Variants in MCPH1 observed in about 807,000 individuals in gnomAD.
MCPH1 encodes the protein microcephalin 1, also known as microcephalin.
A neutral mutation model predicts 84.5 loss-of-function variants in MCPH1; 104 were observed. The observed-to-expected ratio is 1.23, with a 90% CI of 1.05 to 1.45. The LOEUF (loss-of-function observed/expected upper bound fraction) is 1.45. Ranked by LOEUF, MCPH1 falls within the 40% of genes most tolerant of loss-of-function variation. MCPH1 has a pLI of 0.00. For missense variants in MCPH1, 1,498 were observed against 1,005.7 expected, an observed-to-expected ratio of 1.49 and a Z score of -6.62; for synonymous variants, 514 against 366.8, an observed-to-expected ratio of 1.40 and a Z score of -4.58.
At chr8:6,447,478 A>T in intron 8 of MCPH1, 3 of 927,366 alleles carry the variant, frequency 3.2e-6, no homozygotes, top group Non-Finnish European at 3.9e-6. Context: ...CTTCAAAAAC[A>T]AGTTACAAAG....
intron 12 of MCPH1, chr8:6,620,364 C>T (rs1053775647): frequency 6.6e-6 from 1 of 152,192 alleles, no homozygotes; most frequent in South Asian, 2.1e-4. Context: ...GTAGGAAAAC[C>T]TAGCAGAAGA....
At chr8:6,501,666 C>G (rs746600921) in intron 12 of MCPH1, 2 of 151,466 alleles carry the variant, frequency 1.3e-5, no homozygotes, top group Non-Finnish European at 1.5e-5. Context: ...GCAATTCTCC[C>G]TGCCTCAGCC....
rs777379943 is a variant in MCPH1 at position 6,445,228 on chromosome 8, C to G, written c.1506C>G (p.Ala502=). The change falls in exon 8 of 14, where the codon GCC becomes GCG. Residue 502 remains alanine (A), a synonymous_variant. Transcript: ENST00000344683. ...CAACTTCGAGTTGCGTGACTTCTGCCCCTGAAGAAGCCCTAAGGTGTTGTA... is the reference window on the plus strand; with the variant it reads ...CAACTTCGAGTTGCGTGACTTCTGCGCCTGAAGAAGCCCTAAGGTGTTGTA... ...GRATSSCVTS[A]PEEALRCCRQ... The G allele has an allele frequency of 1.9e-6, 3 of 1,614,078 alleles. No individual in the cohort carries two copies. The highest frequency in any genetic ancestry group is 1.7e-6 in the Non-Finnish European group (2 of 1,180,050).
intron 12 of MCPH1, among the ~76,000 whole-genome samples, chr8:6,506,524 T>G (rs79506314): frequency 0.086 from 13,056 of 152,232 alleles, 1,024 homozygotes; most frequent in African/African-American, 0.2. Flanking sequence ...CACACCCTTC[T>G]CAAGGAGAGA....
intron 2 of MCPH1, among the ~76,000 whole-genome samples, chr8:6,412,770 A>C (rs1284951079): frequency 6.6e-6 from 1 of 152,218 alleles, no homozygotes; most frequent in East Asian, 1.9e-4. Context: ...TCAGCCCGGT[A>C]ATTCTTAATT....
chr8:6,423,836 A>G (rs61095196), intron 3 of MCPH1, among the ~76,000 whole-genome samples: 4,984 of 152,284 alleles, frequency 0.033, 216 homozygotes, highest in East Asian at 0.16. Flanking sequence ...ATGTTTCCCA[A>G]TACCTTTGCT....
intron 13 of MCPH1, among the ~76,000 whole-genome samples, chr8:6,623,589 C>CTGA (rs985393376): frequency 6.8e-6 from 1 of 146,608 alleles, no homozygotes; most frequent in African/African-American, 2.5e-5. Context: ...TTTTACATGA[C>CTGA]TGATGGTCAT....
intron 11 of MCPH1, among the ~76,000 whole-genome samples, chr8:6,485,185 C>T (rs941130054): frequency 6.6e-6 from 1 of 151,990 alleles, no homozygotes; most frequent in Non-Finnish European, 1.5e-5. Flanking sequence ...ATTAGCTGGG[C>T]ACGGTGGCAG....
At chr8:6,443,957 G>A (rs561348992) in intron 7 of MCPH1, among the ~76,000 whole-genome samples, 1 of 152,322 alleles carries the variant, frequency 6.6e-6, no homozygotes, top group East Asian at 1.9e-4. Flanking sequence ...TTTACTGGAA[G>A]ACAGGGAAGG....
intron 11 of MCPH1, among the ~76,000 whole-genome samples, chr8:6,493,739 G>C (rs1810923252): frequency 6.6e-6 from 1 of 152,034 alleles, no homozygotes; most frequent in South Asian, 2.1e-4. Context: ...AATATGACCG[G>C]GGATCTCTGT....
chr8:6,450,613 C>T (rs1310996140), intron 8 of MCPH1, among the ~76,000 whole-genome samples: 23 of 151,620 alleles, frequency 1.5e-4, no homozygotes, highest in Non-Finnish European at 1.5e-5. Context: ...CAATAAGAAA[C>T]TGTTTCTCAC....
At position 6,429,686 on chromosome 8, in the gene MCPH1, A is replaced by G. The variant is rs541138990; in HGVS notation, c.234-1813A>G. Among the ~76,000 whole-genome samples the G allele has an allele frequency of 1.7e-4, 26 of 152,230 alleles. No homozygotes were observed. The South Asian group carries it at 5.0e-3, about 29-fold the overall frequency. ...TGCTAAGTCCACCAGATTTAACCAG[A>G]GGTCAAAAACCTTCCATTTTTATTG... is the stretch of plus-strand genomic sequence containing the variant. On this transcript the variant is annotated intron_variant, in intron 3 of 13. Coordinates refer to ENST00000344683, the MANE Select transcript of MCPH1 (RefSeq NM_024596.5).
At chr8:6,609,828 C>A (rs73661438) in intron 12 of MCPH1, among the ~76,000 whole-genome samples, 37,606 of 110,658 alleles carry the variant, frequency 0.34, 7,893 homozygotes, top group Non-Finnish European at 0.41. Flanking sequence ...CGCCCCCCCC[C>A]CACACACAGA....
At chr8:6,575,763 G>A (rs1469786229) in intron 12 of MCPH1, among the ~76,000 whole-genome samples, 1 of 152,174 alleles carries the variant, frequency 6.6e-6, no homozygotes, top group Non-Finnish European at 1.5e-5. Flanking sequence ...TAAGAGGACG[G>A]TCATGTGAAG....
chr8:6,470,622 C>A (rs933780024), intron 9 of MCPH1, among the ~76,000 whole-genome samples: 1 of 152,216 alleles, frequency 6.6e-6, no homozygotes, highest in African/African-American at 2.4e-5. Context: ...TGTTAAGATA[C>A]ATGCTTTATG....
Position 6,621,467 on chromosome 8 carries a change from A to C in MCPH1, c.2228A>C (p.Glu743Ala), listed in dbSNP as rs1563202013. The C allele has an allele frequency of 1.2e-6, 2 of 1,613,992 alleles. No individual in the cohort carries two copies. The highest frequency in any genetic ancestry group is 1.6e-4 in the Middle Eastern group (1 of 6,062). Residue 743 changes from glutamate (E) to alanine (A), a missense_variant, in exon 13 of 14, where the codon GAG (glutamate) becomes GCG (alanine). Glu to Ala is a moderately radical substitution (Grantham distance 107, BLOSUM62 -1). Transcript: ENST00000344683. ...HFPAAPLCRSECHLSAGPYRG... is the reference protein window; with the variant it reads ...HFPAAPLCRSACHLSAGPYRG... ...TCTGCCCCACAGCTGTGCCGAAGCG[A>C]GTGCCACTTGTCTGCAGGGCCGTAC...
At chr8:6,449,222 T>TAGACG (rs1451926245) in intron 8 of MCPH1, among the ~76,000 whole-genome samples, 1 of 152,228 alleles carries the variant, frequency 6.6e-6, no homozygotes, top group Non-Finnish European at 1.5e-5. Context: ...CTGATGGAAT[T>TAGACG]CTCTTAGATT....
chr8:6,638,604 T>G (rs1202841955), intron 13 of MCPH1, among the ~76,000 whole-genome samples: 2 of 152,028 alleles, frequency 1.3e-5, no homozygotes, highest in Non-Finnish European at 2.9e-5. Flanking sequence ...AATTTTTTTT[T>G]TAATTTAAAT....
intron 12 of MCPH1, among the ~76,000 whole-genome samples, chr8:6,588,835 C>A (rs899225190): frequency 6.6e-6 from 1 of 152,202 alleles, no homozygotes; most frequent in East Asian, 1.9e-4. Flanking sequence ...GCAGTGTCTG[C>A]CAGCACCACG....
Sources: gnomAD v4.1 joint callset for allele counts (sites outside exome capture counted in the v4.1 genomes callset) on GRCh38, gnomAD v4.1.1 for gene constraint, MANE v1.5 for transcripts, NCBI Gene and HGNC (gene_info 2026-07-23, HGNC 2026-07-21) for gene names.